CALN1: variants seen among roughly 807,000 people sequenced by gnomAD.
The protein encoded by CALN1 is calcium-binding protein 8.
A neutral mutation model predicts 30.6 loss-of-function variants in CALN1; 17 were observed. That is an observed-to-expected ratio of 0.56 (90% CI 0.38 to 0.83). The LOEUF is 0.83. Among genes scored for constraint, CALN1 ranks in the 40% least tolerant of loss-of-function variants. The probability of loss-of-function intolerance (pLI) is 0.00; values close to 1 mark genes in which losing one functional copy is unlikely to be tolerated. For missense variants in CALN1, 291 were observed against 354.9 expected (o/e 0.82, Z 1.45); for synonymous variants, 156 against 131.4 (o/e 1.19, Z -1.28).
At chr7:71,878,401 CAA>C (rs113054224) in intron 5 of CALN1, among the ~76,000 whole-genome samples, 17 of 126,294 alleles carry the variant, frequency 1.3e-4, no homozygotes, top group South Asian at 2.6e-4. Context: ...GACCCTGTCT[CAA>C]AAAAAAAAAA....
In CALN1 at chr7:72,332,931, C is replaced by T. The variant is rs531694869; in HGVS notation, c.120-54121G>A. Among the ~76,000 whole-genome samples, 103 of 152,302 alleles carry T rather than the reference C, an allele frequency of 6.8e-4. No individual in the cohort carries two copies. The Middle Eastern group carries it at 0.017, about 25-fold the overall frequency. ...GCCAAATCCATTCACCACGAAGTCT[C>T]CAGCCACAACTGACCATGCCATCCT... On this transcript the variant is annotated intron_variant, in intron 2 of 6. Transcript: ENST00000395275.
intron 5 of CALN1, among the ~76,000 whole-genome samples, chr7:71,901,903 CAACA>C (rs1298979125): frequency 6.6e-6 from 1 of 151,942 alleles, no homozygotes; most frequent in African/African-American, 2.4e-5. Flanking sequence ...AAACAAAAAC[CAACA>C]AACGGGACAA....
intron 3 of CALN1, among the ~76,000 whole-genome samples, chr7:72,266,789 T>A (rs941741661): frequency 3.3e-5 from 5 of 152,144 alleles, no homozygotes; most frequent in Non-Finnish European, 7.4e-5. Flanking sequence ...AGCAAGTGCC[T>A]CTTTAAGGAA....
chr7:71,929,007 A>T (rs1396529567), intron 5 of CALN1, among the ~76,000 whole-genome samples: 1 of 151,574 alleles, frequency 6.6e-6, no homozygotes, highest in Non-Finnish European at 1.5e-5. Flanking sequence ...CCGATTTTTG[A>T]TGTGTCATGT....
chr7:72,288,164 G>T (rs528903911), intron 2 of CALN1, among the ~76,000 whole-genome samples: 1 of 152,092 alleles, frequency 6.6e-6, no homozygotes. Flanking sequence ...AGGCCTGACC[G>T]GGGCTGGAGG....
chr7:72,500,042 G>A, the CALN1 span, among the ~76,000 whole-genome samples: 9 of 151,006 alleles, frequency 6.0e-5, no homozygotes, highest in African/African-American at 1.9e-4. Context: ...CTCCCTAGTA[G>A]CTGGGATTAC....
chr7:72,049,429 A>G (rs1802691092), intron 4 of CALN1, among the ~76,000 whole-genome samples: 1 of 152,196 alleles, frequency 6.6e-6, no homozygotes, highest in African/African-American at 2.4e-5. Flanking sequence ...AAATAAGCAA[A>G]TATTAATAAC....
intron 5 of CALN1, 47 bp downstream of exon 5, chr7:72,023,610 A>C (rs772443728): frequency 2.1e-6 from 3 of 1,409,530 alleles, no homozygotes; most frequent in Admixed American, 1.7e-5. Context: ...TTAGTCTCAG[A>C]CACATTTACT....
intron 5 of CALN1, among the ~76,000 whole-genome samples, chr7:71,827,340 G>A (rs1300953788): frequency 6.6e-6 from 1 of 152,206 alleles, no homozygotes; most frequent in Non-Finnish European, 1.5e-5. Context: ...TGCAGGGAGA[G>A]CTTCCTCTGA....
At chr7:72,465,700 A>T in the CALN1 span, among the ~76,000 whole-genome samples, 3 of 152,246 alleles carry the variant, frequency 2.0e-5, no homozygotes, top group Non-Finnish European at 2.9e-5. Flanking sequence ...TGAATCATAT[A>T]CATGGATCAT....
chr7:71,983,260 T>C (rs759890229), intron 5 of CALN1, among the ~76,000 whole-genome samples: 2 of 152,220 alleles, frequency 1.3e-5, no homozygotes, highest in African/African-American at 4.8e-5. Flanking sequence ...GTGTCCTTGA[T>C]TTCCTCGGCA....
chr7:71,919,051 A>G (rs761834290), intron 5 of CALN1, among the ~76,000 whole-genome samples: 1 of 152,136 alleles, frequency 6.6e-6, no homozygotes, highest in Non-Finnish European at 1.5e-5. Flanking sequence ...TTTTGAATGA[A>G]ATGTGTTTGA....
At chr7:72,032,219 C>G (rs1307278260) in intron 4 of CALN1, among the ~76,000 whole-genome samples, 2 of 151,942 alleles carry the variant, frequency 1.3e-5, no homozygotes, top group African/African-American at 4.8e-5. Flanking sequence ...CCACTGCGCC[C>G]AGCTAATTTT....
chr7:71,788,317 C>A (rs2115837903), intron 6 of CALN1, among the ~76,000 whole-genome samples: 1 of 152,010 alleles, frequency 6.6e-6, no homozygotes, highest in South Asian at 2.1e-4. Context: ...AGTTCAGATG[C>A]TTCCCTACAC....
intron 2 of CALN1, among the ~76,000 whole-genome samples, chr7:72,372,412 T>C (rs1278742345): frequency 6.6e-6 from 1 of 152,176 alleles, no homozygotes; most frequent in Non-Finnish European, 1.5e-5. Flanking sequence ...TGGGGTTAAC[T>C]AAAGCTGCAA....
At chr7:72,324,580 ATTT>A (rs1163488221) in intron 2 of CALN1, among the ~76,000 whole-genome samples, 2 of 149,018 alleles carry the variant, frequency 1.3e-5, no homozygotes, top group African/African-American at 4.9e-5. Context: ...TTATTTATTT[ATTT>A]ATTTATTTAT....
chr7:71,806,030 G>A (rs1308783217), intron 6 of CALN1, among the ~76,000 whole-genome samples: 2 of 152,172 alleles, frequency 1.3e-5, no homozygotes, highest in Admixed American at 1.3e-4. Flanking sequence ...AGCGGGAGCT[G>A]AACAATGAGA....
At chr7:71,799,865 G>T (rs889281162) in intron 6 of CALN1, among the ~76,000 whole-genome samples, 2 of 152,108 alleles carry the variant, frequency 1.3e-5, no homozygotes, top group Non-Finnish European at 2.9e-5. Flanking sequence ...CTTTTTGTCT[G>T]AAGTCCCAAA....
At chr7:72,446,068 C>T (rs971472789) in intron 1 of CALN1, among the ~76,000 whole-genome samples, 3 of 152,088 alleles carry the variant, frequency 2.0e-5, no homozygotes, top group African/African-American at 4.8e-5. Context: ...CCCATGCCCC[C>T]GGGACCCCCA....
Sources: gnomAD v4.1 joint callset for allele counts (sites outside exome capture counted in the v4.1 genomes callset) on GRCh38, gnomAD v4.1.1 for gene constraint, MANE v1.5 for transcripts, NCBI Gene and HGNC (gene_info 2026-07-23, HGNC 2026-07-21) for gene names.